Variants in SLC4A11 observed in about 807,000 individuals in gnomAD.
The protein encoded by SLC4A11 is bicarbonate transporter related protein 1.
A neutral mutation model predicts 95.0 loss-of-function variants in SLC4A11; 74 were observed. The ratio of observed to expected loss-of-function variants is 0.78; its 90% CI spans 0.65 to 0.95. The LOEUF (loss-of-function observed/expected upper bound fraction) is 0.95. Ranked by LOEUF, SLC4A11 falls within the 40% of genes least tolerant of loss-of-function variation. SLC4A11 has a pLI of 0.00. For synonymous variants in SLC4A11, 548 were observed against 519.0 expected (o/e 1.06, Z -0.76); for missense variants, 1,081 against 1,192.4 (o/e 0.91, Z 1.38).
In SLC4A11 at chr20:3,234,153, C is replaced by G. The variant is rs141836046; in HGVS notation, c.453G>C (p.Glu151Asp). Residue 151 changes from glutamate to aspartate, a missense_variant, in exon 5 of 20, where the codon GAG (glutamate) becomes GAC (aspartate). Glu to Asp is a conservative substitution (Grantham distance 45, BLOSUM62 2). Around this residue, in one of 3 missense-constraint regions of SLC4A11, gnomAD observed 310 missense variants for 313.5 expected, o/e 0.99. Transcript: ENST00000642402. The surrounding 1 kb of genome is among the most constrained non-coding windows in gnomAD (Gnocchi z 5.8). ...TGAGCAGGTCCAGGTTGCAGTTGGGCTCATTGTTGTCAGGGTCCCTGGCGA... is the reference window on the plus strand; with the variant it reads ...TGAGCAGGTCCAGGTTGCAGTTGGGGTCATTGTTGTCAGGGTCCCTGGCGA... Reference protein sequence around the residue: ...RRFARDPDNNEPNCNLDLLMA... With the variant: ...RRFARDPDNNDPNCNLDLLMA... The G allele has an allele frequency of 3.9e-4, 632 of 1,614,018 alleles. No homozygotes were observed. The highest frequency in any genetic ancestry group is 5.0e-4 in the Non-Finnish European group (595 of 1,180,024).
intron 10 of SLC4A11, 33 bp downstream of exon 10, chr20:3,230,900 A>ACCCCCCCCCCCCCCCCC: frequency 6.2e-7 from 1 of 1,610,738 alleles, no homozygotes; most frequent in Non-Finnish European, 8.5e-7. Flanking sequence ...AGCCCAGCAT[A>ACCCCCCCCCCCCCCCCC]CCCCCACCCA....
At position 3,227,777 on chromosome 20, in the gene SLC4A11, G is replaced by T; in HGVS notation, c.*10C>A. ...GGGCTGGCGAATGGGGCGTGGGCAGGGTCTGCCAGTCAAGGCCTGTGCTCA... is the reference window on the plus strand; with the variant it reads ...GGGCTGGCGAATGGGGCGTGGGCAGTGTCTGCCAGTCAAGGCCTGTGCTCA... On this transcript the variant is annotated 3_prime_UTR_variant, in exon 20 of 20. Transcript: ENST00000642402. The T allele has an allele frequency of 6.2e-7, 1 of 1,612,556 alleles. No homozygotes were observed. Among genetic ancestry groups the T allele is most frequent in the Non-Finnish European group, 8.5e-7 (1 of 1,179,754 alleles).
rs998845246 is a variant in SLC4A11 at position 3,229,165 on chromosome 20, A to C, written c.1948T>G (p.Phe650Val). The change falls in exon 16 of 20, where the codon TTC becomes GTC. Residue 650 changes from phenylalanine to valine, a missense_variant. By Grantham distance (50) the Phe-to-Val change is conservative (BLOSUM62 -1). Transcript: ENST00000642402. ...ATGAAGAAGAGCATGGACAGCAGGA[A>C]GCCGAGGCCCATGGCACCGCTGACG... Reference protein sequence around the residue: ...RAVSGAMGLGFLLSMLFFIEQ... With the variant: ...RAVSGAMGLGVLLSMLFFIEQ... 1 of 1,611,826 alleles carries C rather than the reference A, an allele frequency of 6.2e-7. No homozygotes were observed. The highest frequency in any genetic ancestry group is 8.5e-7 in the Non-Finnish European group (1 of 1,179,916).
At position 3,231,213 on chromosome 20, in the gene SLC4A11, A is replaced by G. The variant is rs374803244; in HGVS notation, c.978T>C (p.Phe326=). The G allele has an allele frequency of 8.7e-6, 14 of 1,613,890 alleles. No individual in the cohort carries two copies. The highest frequency in any genetic ancestry group is 1.7e-5 in the Admixed American group (1 of 60,004). The change falls in exon 9 of 20, where the codon TTT becomes TTC. Residue 326 remains phenylalanine, a synonymous_variant. Transcript: ENST00000642402. The surrounding 1 kb of genome is among the most constrained non-coding windows in gnomAD (Gnocchi z 5.2). ...EPPKCKDFVP[F]GKGIREDIAR... ...CGATGTCCTCCCGGATGCCCTTCCC[A>G]AAAGGGACAAAGTCCTTGCACTTTG... is the stretch of plus-strand genomic sequence containing the variant.
chr20:3,230,563 G>A lies in SLC4A11; in HGVS notation c.1367C>T (p.Ala456Val), dbSNP rs1374762690. Residue 456 changes from alanine to valine, a missense_variant, in exon 12 of 20, where the codon GCG becomes GTG. This residue lies in a region of SLC4A11 where 767 missense variants were observed against 858.0 expected (regional missense o/e 0.89). Transcript: ENST00000642402. ...WTGLWNSFFL[A>V]LYAFFNLSLV... Reference sequence around the variant, plus strand: ...GCTGAGGTTGAAAAAGGCATAAAGCGCAAGGAAGAAACTATTCCACAGGCC... The same window carrying A: ...GCTGAGGTTGAAAAAGGCATAAAGCACAAGGAAGAAACTATTCCACAGGCC... The A allele has an allele frequency of 6.2e-6, 10 of 1,613,926 alleles. No individual in the cohort carries two copies. The highest frequency in any genetic ancestry group is 4.5e-5 in the East Asian group (2 of 44,870).
Position 3,228,274 on chromosome 20 carries a change from G to A in SLC4A11, c.2543C>T (p.Ala848Val). 1 of 1,612,714 alleles carries A rather than the reference G, an allele frequency of 6.2e-7. No individual in the cohort carries two copies. The highest frequency in any genetic ancestry group is 8.5e-7 in the Non-Finnish European group (1 of 1,179,914). ...CCGCCTGTACCGGATGGGGATCATG[G>A]CGATCATGATGAGGGGAAAGATCAT... is the stretch of plus-strand genomic sequence containing the variant. ...MKMIFPLIMI[A>V]MIPIRYILLP... The change falls in exon 19 of 20, where the codon GCC (alanine) becomes GTC (valine). Residue 848 changes from alanine (A) to valine (V), a missense_variant. Physicochemically the swap from Ala to Val is moderately conservative, Grantham distance 64. Around this residue, in one of 3 missense-constraint regions of SLC4A11, gnomAD observed 767 missense variants for 858.0 expected, o/e 0.89. Coordinates refer to ENST00000642402, the MANE Select transcript of SLC4A11 (RefSeq NM_001174089.2).
rs929013659 is a variant in SLC4A11 at position 3,231,343 on chromosome 20, T to A, written c.935A>T (p.His312Leu). The A allele has an allele frequency of 6.2e-7, 1 of 1,613,732 alleles. No individual in the cohort carries two copies. Among genetic ancestry groups the A allele is most frequent in the African/African-American group, 1.3e-5 (1 of 74,892 alleles). Residue 312 changes from histidine to leucine, a missense_variant, in exon 8 of 20, where the codon CAC becomes CTC. This residue lies in a region of SLC4A11 where 767 missense variants were observed against 858.0 expected (regional missense o/e 0.89). Transcript: ENST00000642402. The surrounding 1 kb of genome is among the most constrained non-coding windows in gnomAD (Gnocchi z 5.2). ...TCTACCCTGTACCTCTGGGTGTCTGTGGGCAGGGAGGGAGACTGTGCTGCG... is the reference window on the plus strand; with the variant it reads ...TCTACCCTGTACCTCTGGGTGTCTGAGGGCAGGGAGGGAGACTGTGCTGCG... ...KERSTVSLPA[H>L]RHPEPPKCKD... is the part of the protein sequence containing the mutation.
intron 13 of SLC4A11, 78 bp from the exon 14 acceptor site, chr20:3,229,854 G>C: frequency 6.3e-7 from 1 of 1,597,226 alleles, no homozygotes; most frequent in South Asian, 1.1e-5. Context: ...GGATCTCAGG[G>C]AGAAAGGGCT....
Position 3,229,230 on chromosome 20 carries a change from G to A in SLC4A11, c.1883C>T (p.Pro628Leu), listed in dbSNP as rs952693515. The change falls in exon 16 of 20, where the codon CCC becomes CTC. Residue 628 changes from proline to leucine, a missense_variant. By Grantham distance (98) the Pro-to-Leu change is moderately conservative. Around this residue, in one of 3 missense-constraint regions of SLC4A11, gnomAD observed 767 missense variants for 858.0 expected, o/e 0.89. Coordinates refer to ENST00000642402, the MANE Select transcript of SLC4A11 (RefSeq NM_001174089.2). ...SKFRYNPSES[P>L]FAMAQIQSLS... ...CGACTGGATCTGCGCCATCGCAAAG[G>A]GGCTCTCGCTGGGGTTGTAGCGGAA... The A allele has an allele frequency of 6.2e-7, 1 of 1,612,960 alleles. No individual in the cohort carries two copies.
In SLC4A11 at chr20:3,228,385, C is replaced by T; in HGVS notation, c.2432G>A (p.Arg811Lys). The T allele has an allele frequency of 6.2e-7, 1 of 1,613,248 alleles. No individual in the cohort carries two copies. ...CAGGCCCGTGAAGTAGTGGATCTTCCTCTGGGGCACCCTCCGGATGTAGTG... is the reference window on the plus strand; with the variant it reads ...CAGGCCCGTGAAGTAGTGGATCTTCTTCTGGGGCACCCTCCGGATGTAGTG... Reference protein sequence around the residue: ...PTHYIRRVPQRKIHYFTGLQV... With the variant: ...PTHYIRRVPQKKIHYFTGLQV... The change falls in exon 19 of 20, where the codon AGG becomes AAG. Residue 811 changes from arginine to lysine, a missense_variant. This residue lies in a region of SLC4A11 where 767 missense variants were observed against 858.0 expected (regional missense o/e 0.89). Transcript: ENST00000642402.
intron 1 of SLC4A11, chr20:3,238,116 C>T: frequency 6.9e-7 from 1 of 1,454,948 alleles, no homozygotes; most frequent in South Asian, 1.5e-5. Context: ...CACACGGGGG[C>T]CGACAGGCAA....
chr20:3,228,528 A>G lies in SLC4A11; in HGVS notation c.2372T>C (p.Leu791Pro). 6.2e-7 allele frequency: 1 copy of G among 1,613,076 alleles called. No individual in the cohort carries two copies. Among genetic ancestry groups the G allele is most frequent in the Non-Finnish European group, 8.5e-7 (1 of 1,179,920 alleles). ...DGNQLVQRVA[L>P]LLKEQTAYPP... ...AGCGCTCACCTGCTCCTTGAGCAGC[A>G]GGGCCACGCGCTGGACGAGCTGGTT... Residue 791 changes from leucine to proline, a missense_variant, in exon 18 of 20, where the codon CTG becomes CCG. By Grantham distance (98) the Leu-to-Pro change is moderately conservative. Coordinates refer to ENST00000642402, the MANE Select transcript of SLC4A11 (RefSeq NM_001174089.2).
In SLC4A11 at chr20:3,231,666, G is replaced by GT. The variant is rs2067785743; in HGVS notation, c.730-119dup. On this transcript the variant is annotated intron_variant, in intron 7 of 19. Transcript: ENST00000642402. The surrounding 1 kb of genome is among the most constrained non-coding windows in gnomAD (Gnocchi z 5.2). ...GGTTTTTTGTCTGTTTGTTTTTTGT[G>GT]TTTTTTTGAGACAGGGTCTCACTGT... is the stretch of plus-strand genomic sequence containing the variant. 4 of 939,218 alleles carry GT rather than the reference G, an allele frequency of 4.3e-6. No homozygotes were observed. The highest frequency in any genetic ancestry group is 6.6e-6 in the Non-Finnish European group (4 of 604,200). 58.2% of individuals were successfully genotyped at this position (939,218 alleles called of 1,614,324 possible). A position where few individuals can be genotyped will look rare whatever the true frequency, so the allele number is the denominator to read the frequency against.
intron 1 of SLC4A11, chr20:3,237,961 C>A (rs771829953): frequency 6.5e-7 from 1 of 1,550,386 alleles, no homozygotes; most frequent in Non-Finnish European, 8.7e-7. Context: ...GGACCGGGCC[C>A]GAGCGGGCCT....
In SLC4A11 at chr20:3,234,647, G is replaced by A. The variant is rs368113068; in HGVS notation, c.242-30C>T. On this transcript the variant is annotated intron_variant, in intron 3 of 19. Coordinates refer to ENST00000642402, the MANE Select transcript of SLC4A11 (RefSeq NM_001174089.2). The surrounding 1 kb of genome is among the most constrained non-coding windows in gnomAD (Gnocchi z 5.8). The stretch of plus-strand genomic sequence containing the variant: ...CGGAGAAAAGCGGGGAGGGCTCAGG[G>A]TGCCACCCTCTCCTCAGGTCTTTCT... 5.6e-6 allele frequency: 9 copies of A among 1,613,738 alleles called. No individual in the cohort carries two copies. The highest frequency in any genetic ancestry group is 1.3e-5 in the African/African-American group (1 of 74,906).
chr20:3,237,927 C>A, intron 1 of SLC4A11: 1 of 1,550,626 alleles, frequency 6.4e-7, no homozygotes, highest in Non-Finnish European at 8.7e-7. Flanking sequence ...TGAGAAAACC[C>A]TGCCCCGCTG....
rs1463507224 is a variant in SLC4A11 at position 3,229,097 on chromosome 20, G to A, written c.2016C>T (p.Asn672=). The A allele has an allele frequency of 2.0e-6, 2 of 990,968 alleles. No individual in the cohort carries two copies. The highest frequency in any genetic ancestry group is 1.5e-5 in the South Asian group (1 of 65,088). 61.4% of individuals were successfully genotyped at this position (990,968 alleles called of 1,614,324 possible). A position where few individuals can be genotyped will look rare whatever the true frequency, so the allele number is the denominator to read the frequency against. Residue 672 remains asparagine (N), a splice_region_variant and synonymous_variant, in exon 16 of 20, where the codon AAC becomes AAT. Transcript: ENST00000642402. ...LVAALVNAPE[N]RLVKGTAYHW... Reference sequence around the variant, plus strand: ...CCACCCTCACCCACCCTCCACACCTGTTCTCCGGTGCATTCACCAAGGCGG... The same window carrying A: ...CCACCCTCACCCACCCTCCACACCTATTCTCCGGTGCATTCACCAAGGCGG...
At chr20:3,235,026 A>C (rs947746527) in intron 2 of SLC4A11, 132 bp from the exon 3 acceptor site, 4 of 1,054,852 alleles carry the variant, frequency 3.8e-6, no homozygotes, top group African/African-American at 3.1e-5. Flanking sequence ...GCCATCCCAT[A>C]GGCGAGGAAG....
Position 3,234,778 on chromosome 20 carries a change from C to CA in SLC4A11, c.204dup (p.Val69CysfsTer6), listed in dbSNP as rs2067914706. 6.2e-7 allele frequency: 1 copy of CA among 1,613,868 alleles called. No homozygotes were observed. ...GCCTGCATCTCAAGGTTGACATTGA[C>CA]AAAAAAACGGATACTCTCGCCAGAC... On this transcript the variant is annotated frameshift_variant, in exon 3 of 20. Coordinates refer to ENST00000642402, the MANE Select transcript of SLC4A11 (RefSeq NM_001174089.2). LOFTEE classifies it high-confidence loss of function. This position sits in a 1 kb window ranked among gnomAD's most constrained non-coding sequence, Gnocchi z 5.8.
Sources: allele counts gnomAD v4.1 joint callset, GRCh38; gene constraint gnomAD v4.1.1; regional missense constraint gnomAD v4.1.1; non-coding constraint Gnocchi (gnomAD v3.1); transcripts MANE v1.5; gene names NCBI Gene and HGNC (gene_info 2026-07-23, HGNC 2026-07-21).